INSIG1: variants seen among roughly 807,000 people sequenced by gnomAD.
The protein encoded by INSIG1 is insulin induced gene 1.
INSIG1 carries 14 observed loss-of-function variants against 26.5 expected under a neutral mutation model. The ratio of observed to expected loss-of-function variants is 0.53; its 90% CI spans 0.35 to 0.83. The LOEUF (loss-of-function observed/expected upper bound fraction) is 0.83. INSIG1 is among the 40% of genes least tolerant of loss of function. INSIG1 has a pLI of 0.01. For missense variants in INSIG1, 272 were observed against 368.9 expected (o/e 0.74, Z 2.15); for synonymous variants, 147 against 153.3 (o/e 0.96, Z 0.30).
intron 2 of INSIG1, among the ~76,000 whole-genome samples, chr7:155,298,962 G>A (rs1797711385): frequency 6.6e-6 from 1 of 152,204 alleles, no homozygotes; most frequent in South Asian, 2.1e-4. Flanking sequence ...GTTCAAGCAG[G>A]TGCTGTGCCA....
In INSIG1 at chr7:155,302,140, GAATTATCTGTGGTACAATAAT is replaced by G; in HGVS notation, c.538-108_538-88del. 1.3e-6 allele frequency: 1 copy of G among 779,574 alleles called. No homozygotes were observed. The highest frequency in any genetic ancestry group is 2.0e-6 in the Non-Finnish European group (1 of 510,770). 48.3% of individuals were successfully genotyped at this position (779,574 alleles called of 1,614,324 possible). On this transcript the variant is annotated intron_variant, in intron 3 of 5. Coordinates refer to ENST00000340368, the MANE Select transcript of INSIG1 (RefSeq NM_005542.6). This position sits in a 1 kb window ranked among gnomAD's most constrained non-coding sequence, Gnocchi z 4.3. ...TTATTACACAGTTTTTATGGACAGT[GAATTATCTGTGGTACAATAAT>G]AAAATACCCATGTTTTTAACCCTTG...
intron 5 of INSIG1, among the ~76,000 whole-genome samples, chr7:155,307,579 A>C (rs186445341): frequency 1.2e-3 from 182 of 152,296 alleles, no homozygotes; most frequent in African/African-American, 4.3e-3. Context: ...TAGTAACTGT[A>C]GTGTCTACCT....
At position 155,302,331 on chromosome 7, in the gene INSIG1, T is replaced by A. The variant is rs746510175; in HGVS notation, c.618T>A (p.Arg206=). The change falls in exon 4 of 6, where the codon CGT becomes CGA. Residue 206 remains arginine, a synonymous_variant. Transcript: ENST00000340368. This position sits in a 1 kb window ranked among gnomAD's most constrained non-coding sequence, Gnocchi z 4.3. ...LSLGLWWTFD[R]SRSGLGLGIT... Reference sequence around the variant, plus strand: ...TGGGCCTTTGGTGGACATTTGATCGTTCCAGAAGTGGCCTTGGGCTGGGGA... The same window carrying A: ...TGGGCCTTTGGTGGACATTTGATCGATCCAGAAGTGGCCTTGGGCTGGGGA... 17 of 1,611,686 alleles carry A rather than the reference T, an allele frequency of 1.1e-5. No homozygotes were observed. The highest frequency in any genetic ancestry group is 1.4e-5 in the Non-Finnish European group (17 of 1,179,026).
rs376263843 is a variant in INSIG1, at chr7:155,306,558, ATTATTG to A, written c.805-1676_805-1671del. ...TTCAGCTGCTAATGATAATAATACT[ATTATTG>A]TTATTGAGGGTTTACATTTGTTGGG... On this transcript the variant is annotated intron_variant, in intron 5 of 5. Transcript: ENST00000340368. Among the ~76,000 whole-genome samples, 207 of 152,308 alleles carry A rather than the reference ATTATTG, an allele frequency of 1.4e-3. 1 individual carries two copies. Among genetic ancestry groups the A allele is most frequent in the Middle Eastern group, 6.8e-3 (2 of 292 alleles).
intron 2 of INSIG1, among the ~76,000 whole-genome samples, chr7:155,301,004 G>T (rs908918908): frequency 2.6e-5 from 4 of 152,196 alleles, no homozygotes; most frequent in Non-Finnish European, 5.9e-5. Flanking sequence ...GAACATGCTA[G>T]AACCCCCGAA....
chr7:155,297,943 G>A lies in INSIG1; in HGVS notation c.-44G>A. The A allele has an allele frequency of 5.2e-6, 1 of 193,898 alleles. No homozygotes were observed. The highest frequency in any genetic ancestry group is 1.0e-5 in the Non-Finnish European group (1 of 95,754). 12.0% of individuals were successfully genotyped at this position (193,898 alleles called of 1,614,324 possible). A position where few individuals can be genotyped will look rare whatever the true frequency, so the allele number is the denominator to read the frequency against. On this transcript the variant is annotated 5_prime_UTR_variant, in exon 1 of 6. Coordinates refer to ENST00000340368, the MANE Select transcript of INSIG1 (RefSeq NM_005542.6). ...GCCTCCGTTCGGAGAGCCGGCGGGCGGGCGCCTCTCGGCCAGGTACGCGGC... is the reference window on the plus strand; with the variant it reads ...GCCTCCGTTCGGAGAGCCGGCGGGCAGGCGCCTCTCGGCCAGGTACGCGGC...
chr7:155,301,866 G>A (rs1257644075), intron 3 of INSIG1, among the ~76,000 whole-genome samples, 176 bp downstream of exon 3: 2 of 148,718 alleles, frequency 1.3e-5, no homozygotes, highest in Non-Finnish European at 3.0e-5. Context: ...TGACTTCATA[G>A]TAAAATATAT....
In INSIG1 at chr7:155,302,076, G is replaced by A. The variant is rs1211982429; in HGVS notation, c.538-175G>A. Among the ~76,000 whole-genome samples, 1 of 151,468 alleles carries A rather than the reference G, an allele frequency of 6.6e-6. No individual in the cohort carries two copies. Among genetic ancestry groups the A allele is most frequent in the Non-Finnish European group, 1.5e-5 (1 of 67,920 alleles). ...CAGGGAGATTTCAGGTGATCTTAATGATTACTGTAACCTGTATCCAACAAA... is the reference window on the plus strand; with the variant it reads ...CAGGGAGATTTCAGGTGATCTTAATAATTACTGTAACCTGTATCCAACAAA... On this transcript the variant is annotated intron_variant, in intron 3 of 5. Transcript: ENST00000340368. The surrounding 1 kb of genome is among the most constrained non-coding windows in gnomAD (Gnocchi z 4.3).
At position 155,302,332 on chromosome 7, in the gene INSIG1, T is replaced by A. The variant is rs770836270; in HGVS notation, c.619T>A (p.Ser207Thr). The change falls in exon 4 of 6, where the codon TCC (serine) becomes ACC (threonine). Residue 207 changes from serine to threonine, a missense_variant. By Grantham distance (58) the Ser-to-Thr change is moderately conservative. This residue lies in a region of INSIG1 where 111 missense variants were observed against 189.8 expected (regional missense o/e 0.58). Transcript: ENST00000340368. The surrounding 1 kb of genome is among the most constrained non-coding windows in gnomAD (Gnocchi z 4.3). Reference protein sequence around the residue: ...SLGLWWTFDRSRSGLGLGITI... With the variant: ...SLGLWWTFDRTRSGLGLGITI... ...GGGCCTTTGGTGGACATTTGATCGT[T>A]CCAGAAGTGGCCTTGGGCTGGGGAT... The A allele has an allele frequency of 6.2e-7, 1 of 1,611,702 alleles. No individual in the cohort carries two copies. Among genetic ancestry groups the A allele is most frequent in the Admixed American group, 1.7e-5 (1 of 59,436 alleles).
intron 2 of INSIG1, among the ~76,000 whole-genome samples, chr7:155,299,003 C>G (rs1252373338): frequency 6.6e-6 from 1 of 152,220 alleles, no homozygotes; most frequent in Non-Finnish European, 1.5e-5. Flanking sequence ...CTCCTGGCGT[C>G]CGGGTACAGC....
At chr7:155,297,992 G>A (rs1797664555) in intron 1 of INSIG1, 33 bp downstream of exon 1, 1 of 287,734 alleles carries the variant, frequency 3.5e-6, no homozygotes, top group African/African-American at 2.2e-5. Flanking sequence ...GGTCGCGGGC[G>A]GGCTTTGGTC....
Position 155,302,209 on chromosome 7 carries a change from A to T in INSIG1, c.538-42A>T. On this transcript the variant is annotated intron_variant, in intron 3 of 5. Transcript: ENST00000340368. The surrounding 1 kb of genome is among the most constrained non-coding windows in gnomAD (Gnocchi z 4.3). ...TTGTGGTTTTACGTTTTTTTATCTT[A>T]ATAAGAGTCAGCAAACTTTTCCTTA... The T allele has an allele frequency of 6.6e-7, 1 of 1,503,874 alleles. No homozygotes were observed. Among genetic ancestry groups the T allele is most frequent in the Non-Finnish European group, 8.9e-7 (1 of 1,121,272 alleles). The allele number at this position is 1,503,874 out of a possible 1,614,324, so 93.2% of individuals were successfully genotyped here.
chr7:155,308,177 T>C, intron 5 of INSIG1, 64 bp from the exon 6 acceptor site: 1 of 837,600 alleles, frequency 1.2e-6, no homozygotes, highest in South Asian at 1.5e-5. Context: ...TAATTGGTAA[T>C]TAAAATATTT....
At chr7:155,298,901 T>C (rs1039772250) in intron 2 of INSIG1, among the ~76,000 whole-genome samples, 1 of 152,214 alleles carries the variant, frequency 6.6e-6, no homozygotes, top group East Asian at 1.9e-4. Context: ...CACAGCTCTC[T>C]GAAGTTTGAG....
Position 155,298,558 on chromosome 7 carries a change from CT to C in INSIG1, c.275del (p.Phe92SerfsTer7), listed in dbSNP as rs1222033347. The part of the protein sequence containing the change: ...HRLLQRSLVL[F>X]SVGVVLALVL... ...GCCTGTTGCAGAGGAGCCTCGTGCT[CT>C]TCTCGGTTGGGGTGGTCCTAGCCCT... On this transcript the variant is annotated frameshift_variant, in exon 2 of 6. Coordinates refer to ENST00000340368, the MANE Select transcript of INSIG1 (RefSeq NM_005542.6). LOFTEE classifies it high-confidence loss of function. The C allele has an allele frequency of 2.5e-6, 4 of 1,609,928 alleles. No individual in the cohort carries two copies. The highest frequency in any genetic ancestry group is 8.5e-7 in the Non-Finnish European group (1 of 1,178,278).
At chr7:155,299,772 A>T (rs1390893829) in intron 2 of INSIG1, among the ~76,000 whole-genome samples, 1 of 152,200 alleles carries the variant, frequency 6.6e-6, no homozygotes, top group Non-Finnish European at 1.5e-5. Flanking sequence ...TCATTTATAG[A>T]TGTGGCAACT....
At chr7:155,303,925 G>A in intron 5 of INSIG1, 1 of 1,222,658 alleles carries the variant, frequency 8.2e-7, no homozygotes, top group Non-Finnish European at 1.1e-6. Flanking sequence ...ACTGGTTACT[G>A]ACTCTCTGCT....
In INSIG1 at chr7:155,303,974, GCCT is replaced by G. The variant is rs1254471269; in HGVS notation, c.804+1129_804+1131del. The G allele has an allele frequency of 6.5e-5, 29 of 447,114 alleles. No homozygotes were observed. The African/African-American group carries it at 6.6e-4, about 10-fold the overall frequency. 27.7% of individuals were successfully genotyped at this position (447,114 alleles called of 1,614,324 possible). ...TGATGGAGAAGAAAGGACTTTGCTTGCCTTTTTTTTTTTTTTTTTTTTTTGAGA... is the reference window on the plus strand; with the variant it reads ...TGATGGAGAAGAAAGGACTTTGCTTGTTTTTTTTTTTTTTTTTTTTTGAGA... On this transcript the variant is annotated intron_variant, in intron 5 of 5. Coordinates refer to ENST00000340368, the MANE Select transcript of INSIG1 (RefSeq NM_005542.6).
chr7:155,307,231 G>C (rs777467890), intron 5 of INSIG1, among the ~76,000 whole-genome samples: 1 of 152,188 alleles, frequency 6.6e-6, no homozygotes, highest in Non-Finnish European at 1.5e-5. Context: ...TGTGTCCCCA[G>C]GGTAGTAACT....
Sources: allele counts gnomAD v4.1 joint callset (sites outside exome capture counted in the v4.1 genomes callset), GRCh38; gene constraint gnomAD v4.1.1; regional missense constraint gnomAD v4.1.1; non-coding constraint Gnocchi (gnomAD v3.1); transcripts MANE v1.5; gene names NCBI Gene and HGNC (gene_info 2026-07-23, HGNC 2026-07-21).